The following FAM169A variants were observed in gnomAD, a reference collection of about 807,000 sequenced individuals.
The protein encoded by FAM169A is soluble lamin-associated protein of 75 kDa.
Under a neutral mutation model 75.7 loss-of-function variants are expected in FAM169A, and 24 were observed. That is an observed-to-expected ratio of 0.32 (90% CI 0.23 to 0.45). FAM169A has a LOEUF of 0.45. Among genes scored for constraint, FAM169A ranks in the 20% least tolerant of loss-of-function variants. FAM169A has a pLI of 1.00. For synonymous variants in FAM169A, 271 were observed against 271.0 expected (o/e 1.00, Z 0.00); for missense variants, 673 against 784.0 (o/e 0.86, Z 1.69).
At chr5:74,834,336 G>C in intron 5 of FAM169A, 90 bp downstream of exon 5, 1 of 706,858 alleles carries the variant, frequency 1.4e-6, no homozygotes, top group Non-Finnish European at 2.1e-6. Flanking sequence ...GCATGCTAGA[G>C]ATTAATTTAA....
At position 74,866,277 on chromosome 5, in the gene FAM169A, C is replaced by G; in HGVS notation, c.-116G>C. Reference sequence around the variant, plus strand: ...GACCTCCGGCCGGTCCCAGGCCGCACAGCTCGCGGCTGCCAGGGCGAGTGC... The same window carrying G: ...GACCTCCGGCCGGTCCCAGGCCGCAGAGCTCGCGGCTGCCAGGGCGAGTGC... On this transcript the variant is annotated 5_prime_UTR_variant, in exon 1 of 13. Coordinates refer to ENST00000687041, the MANE Select transcript of FAM169A (RefSeq NM_001376049.1). 2 of 984,082 alleles carry G rather than the reference C, an allele frequency of 2.0e-6. No homozygotes were observed. Among genetic ancestry groups the G allele is most frequent in the Non-Finnish European group, 2.4e-6 (2 of 829,324 alleles). The allele number at this position is 984,082 out of a possible 1,614,324, so 61.0% of individuals were successfully genotyped here.
chr5:74,840,923 A>T (rs182138348), intron 2 of FAM169A, among the ~76,000 whole-genome samples: 5 of 152,208 alleles, frequency 3.3e-5, no homozygotes, highest in Admixed American at 3.3e-4. Flanking sequence ...GCCTTCATTT[A>T]ATCCAACACT....
At chr5:74,818,045 C>T (rs1200448622) in intron 5 of FAM169A, among the ~76,000 whole-genome samples, 1 of 152,134 alleles carries the variant, frequency 6.6e-6, no homozygotes, top group African/African-American at 2.4e-5. Flanking sequence ...TCTAAAACTA[C>T]TCAAATTCTT....
chr5:74,829,529 T>C (rs1748202308), intron 5 of FAM169A, among the ~76,000 whole-genome samples: 3 of 152,108 alleles, frequency 2.0e-5, no homozygotes, highest in African/African-American at 7.2e-5. Context: ...TTTCCTTCCT[T>C]AAATAGAAAA....
At chr5:74,836,965 G>A (rs1748602272) in intron 4 of FAM169A, among the ~76,000 whole-genome samples, 1 of 151,238 alleles carries the variant, frequency 6.6e-6, no homozygotes, top group Non-Finnish European at 1.5e-5. Context: ...AAAAGAGAGG[G>A]AATGTTGTCC....
At chr5:74,863,324 A>G (rs967933524) in intron 1 of FAM169A, among the ~76,000 whole-genome samples, 13 of 152,232 alleles carry the variant, frequency 8.5e-5, no homozygotes, top group African/African-American at 3.1e-4. Context: ...CCACTGAGGC[A>G]TACCAAATTT....
At position 74,796,103 on chromosome 5, in the gene FAM169A, T is replaced by C; in HGVS notation, c.1187A>G (p.Asp396Gly). The change falls in exon 11 of 13, where the codon GAT becomes GGT. Residue 396 changes from aspartate to glycine, a missense_variant. This residue lies in a region of FAM169A where 510 missense variants were observed against 550.9 expected (regional missense o/e 0.93). Coordinates refer to ENST00000687041, the MANE Select transcript of FAM169A (RefSeq NM_001376049.1). ...EPEQRGIEFE[D>G]ESSDRDARPA... Reference sequence around the variant, plus strand: ...CCGTGCATCTCTATCACTGCTTTCATCCTCAAATTCAATCCCTCTCTGTTC... The same window carrying C: ...CCGTGCATCTCTATCACTGCTTTCACCCTCAAATTCAATCCCTCTCTGTTC... 6 of 1,614,196 alleles carry C rather than the reference T, an allele frequency of 3.7e-6. No individual in the cohort carries two copies. Among genetic ancestry groups the C allele is most frequent in the Non-Finnish European group, 5.1e-6 (6 of 1,180,016 alleles).
chr5:74,801,824 CTAATA>C (rs896540112), intron 8 of FAM169A, among the ~76,000 whole-genome samples, 195 bp from the exon 9 acceptor site: 4 of 152,204 alleles, frequency 2.6e-5, no homozygotes, highest in Admixed American at 6.5e-5. Flanking sequence ...TGCAAGTCAT[CTAATA>C]TGTCATAGTG....
chr5:74,795,194 G>C (rs749448583), intron 11 of FAM169A, among the ~76,000 whole-genome samples: 1 of 151,428 alleles, frequency 6.6e-6, no homozygotes, highest in South Asian at 2.1e-4. Context: ...GGAAGCAGAG[G>C]TTGCAGTGAG....
intron 1 of FAM169A, among the ~76,000 whole-genome samples, chr5:74,853,341 ACT>A (rs1561326175): frequency 1.3e-5 from 2 of 152,096 alleles, no homozygotes; most frequent in Non-Finnish European, 2.9e-5. Flanking sequence ...GTGTTGAAAC[ACT>A]CTACACATCT....
At chr5:74,817,436 C>A (rs946152532) in intron 5 of FAM169A, among the ~76,000 whole-genome samples, 2 of 151,652 alleles carry the variant, frequency 1.3e-5, no homozygotes, top group African/African-American at 4.8e-5. Flanking sequence ...ATTAAGAAAA[C>A]CATTCATAAT....
At chr5:74,809,285 T>C (rs1009866441) in intron 6 of FAM169A, among the ~76,000 whole-genome samples, 2 of 152,086 alleles carry the variant, frequency 1.3e-5, no homozygotes, top group Non-Finnish European at 2.9e-5. Flanking sequence ...ACAACTCATA[T>C]CCAGGATACA....
At position 74,781,262 on chromosome 5, in the gene FAM169A, C is replaced by A; in HGVS notation, c.*198G>T. 2.0e-6 allele frequency: 1 copy of A among 492,056 alleles called. No homozygotes were observed. The highest frequency in any genetic ancestry group is 3.5e-6 in the Non-Finnish European group (1 of 282,484). The allele number at this position is 492,056 out of a possible 1,614,324, so 30.5% of individuals were successfully genotyped here. A position where few individuals can be genotyped will look rare whatever the true frequency, so the allele number is the denominator to read the frequency against. ...TAATAAAAATAAAAAATTGCATTTA[C>A]CAAAAATAGCCTGGAAAATTAAAAA... On this transcript the variant is annotated 3_prime_UTR_variant, in exon 13 of 13. Coordinates refer to ENST00000687041, the MANE Select transcript of FAM169A (RefSeq NM_001376049.1).
At chr5:74,850,360 G>A (rs544975464) in intron 1 of FAM169A, among the ~76,000 whole-genome samples, 1 of 152,258 alleles carries the variant, frequency 6.6e-6, no homozygotes, top group East Asian at 1.9e-4. Context: ...ATATGTCAGG[G>A]GAAGTGTTCC....
At chr5:74,801,529 A>T in intron 9 of FAM169A, 61 bp downstream of exon 9, 1 of 1,277,182 alleles carries the variant, frequency 7.8e-7, no homozygotes, top group Non-Finnish European at 1.1e-6. Context: ...GCACACACAC[A>T]CACACAGCCC....
intron 1 of FAM169A, among the ~76,000 whole-genome samples, chr5:74,858,275 C>A (rs1431022840): frequency 2.0e-5 from 3 of 152,068 alleles, no homozygotes; most frequent in Non-Finnish European, 4.4e-5. Context: ...GTAATCTCAG[C>A]TACTTGGGAG....
intron 10 of FAM169A, chr5:74,799,246 G>A: frequency 2.0e-6 from 3 of 1,473,382 alleles, no homozygotes; most frequent in Non-Finnish European, 2.9e-6. Flanking sequence ...GAAAGATGGT[G>A]TCTGGAAGCC....
intron 5 of FAM169A, among the ~76,000 whole-genome samples, chr5:74,824,757 C>T (rs750249606): frequency 6.6e-6 from 1 of 151,572 alleles, no homozygotes; most frequent in Admixed American, 6.6e-5. Flanking sequence ...ACTTTCTACA[C>T]CCCAAAAGCA....
intron 11 of FAM169A, among the ~76,000 whole-genome samples, chr5:74,792,683 A>C (rs978320165): frequency 9.2e-5 from 14 of 152,156 alleles, no homozygotes; most frequent in African/African-American, 3.1e-4. Context: ...CTAATTATCA[A>C]GGAAATGCAA....
Sources: gnomAD v4.1 joint callset for allele counts (sites outside exome capture counted in the v4.1 genomes callset) on GRCh38, gnomAD v4.1.1 for gene constraint, gnomAD v4.1.1 regional missense constraint, MANE v1.5 for transcripts, NCBI Gene and HGNC (gene_info 2026-07-23, HGNC 2026-07-21) for gene names.